The following RAB3GAP1 variants were observed in gnomAD, a reference collection of about 807,000 sequenced individuals.
RAB3GAP1 encodes the protein rab3 GTPase-activating protein catalytic subunit.
In RAB3GAP1, 86 loss-of-function variants were observed where a neutral mutation model predicts 130.7. The ratio of observed to expected loss-of-function variants is 0.66; its 90% CI spans 0.55 to 0.79. The LOEUF is 0.79. Ranked by LOEUF, RAB3GAP1 falls within the 30% of genes least tolerant of loss-of-function variation. The pLI is 0.00. For synonymous variants in RAB3GAP1, 367 were observed against 401.7 expected (o/e 0.91, Z 1.03); for missense variants, 1,029 against 1,169.4 (o/e 0.88, Z 1.75).
chr2:135,105,408 T>C (rs1439579827), intron 5 of RAB3GAP1, among the ~76,000 whole-genome samples: 2 of 152,018 alleles, frequency 1.3e-5, no homozygotes, highest in East Asian at 3.9e-4. Context: ...GTTTTCGTAT[T>C]TTTTTGGTGG....
At position 135,085,932 on chromosome 2, in the gene RAB3GAP1, C is replaced by G. The variant is rs562991297; in HGVS notation, c.151-5066C>G. Among the ~76,000 whole-genome samples, 11 of 152,242 alleles carry G rather than the reference C, an allele frequency of 7.2e-5. No individual in the cohort carries two copies. In the East Asian group the frequency reaches 2.1e-3, roughly 29 times the overall value. On this transcript the variant is annotated intron_variant, in intron 3 of 23. Coordinates refer to ENST00000264158, the MANE Select transcript of RAB3GAP1 (RefSeq NM_012233.3). Reference sequence around the variant, plus strand: ...AGAAAGATTGCTTGTTTCTCAATCCCAGAGGTAACCACAGTTTTGACTTCC... The same window carrying G: ...AGAAAGATTGCTTGTTTCTCAATCCGAGAGGTAACCACAGTTTTGACTTCC...
chr2:135,090,745 T>C (rs530495999), intron 3 of RAB3GAP1, among the ~76,000 whole-genome samples: 19 of 152,292 alleles, frequency 1.2e-4, no homozygotes, highest in African/African-American at 4.6e-4. Context: ...ATAGAGAATC[T>C]TGGAAAAAAT....
At chr2:135,117,458 TTCTGCTTCTGCTTCTGCTTCTTCTG>T (rs1691011466) in intron 7 of RAB3GAP1, among the ~76,000 whole-genome samples, 1 of 148,732 alleles carries the variant, frequency 6.7e-6, no homozygotes, top group African/African-American at 2.6e-5. Flanking sequence ...CTTCTTCTGC[TTCTGCTTCTGCTTCTGCTTCTTCTG>T]CTTCTTCTTC....
intron 5 of RAB3GAP1, among the ~76,000 whole-genome samples, chr2:135,108,515 CTT>C (rs199985816): frequency 1.8e-4 from 23 of 128,616 alleles, no homozygotes; most frequent in Non-Finnish European, 2.4e-4. Flanking sequence ...GTCTTTGGGG[CTT>C]TTTTTTTTTT....
intron 18 of RAB3GAP1, 121 bp downstream of exon 18, chr2:135,150,627 A>T (rs1019370295): frequency 2.5e-5 from 32 of 1,288,768 alleles, no homozygotes; most frequent in Non-Finnish European, 3.4e-5. Context: ...TTTGGATTTC[A>T]TTAGTAGTTC....
At position 135,126,639 on chromosome 2, in the gene RAB3GAP1, A is replaced by C. The variant is rs987772767; in HGVS notation, c.956A>C (p.Asn319Thr). Reference sequence around the variant, plus strand: ...TCTGTTAGAGTTCGAAAAGCTGAGAATCCTCAGTGTTTGCTAGGTAAGGTA... The same window carrying C: ...TCTGTTAGAGTTCGAAAAGCTGAGACTCCTCAGTGTTTGCTAGGTAAGGTA... ...HWSVRVRKAE[N>T]PQCLLGDFVT... The change falls in exon 11 of 24, where the codon AAT becomes ACT. Residue 319 changes from asparagine (N) to threonine (T), a missense_variant. Around this residue, in one of 3 missense-constraint regions of RAB3GAP1, gnomAD observed 510 missense variants for 532.1 expected, o/e 0.96. Coordinates refer to ENST00000264158, the MANE Select transcript of RAB3GAP1 (RefSeq NM_012233.3). The C allele has an allele frequency of 6.2e-7, 1 of 1,612,180 alleles. No individual in the cohort carries two copies. The highest frequency in any genetic ancestry group is 8.5e-7 in the Non-Finnish European group (1 of 1,178,452).
intron 3 of RAB3GAP1, among the ~76,000 whole-genome samples, chr2:135,068,049 A>G (rs2104837236): frequency 6.6e-6 from 1 of 152,300 alleles, no homozygotes; most frequent in African/African-American, 2.4e-5. Context: ...CTCTCTTACA[A>G]GTATTTACTA....
In RAB3GAP1 at chr2:135,138,872, TC is replaced by T. The variant is rs1676020510; in HGVS notation, c.1923+2943del. On this transcript the variant is annotated intron_variant, in intron 17 of 23. Coordinates refer to ENST00000264158, the MANE Select transcript of RAB3GAP1 (RefSeq NM_012233.3). ...CCTCAAGCAATCCTCTGTTTCGGCCTCCCAAAGTGCTGGGATTATAGGCATG... is the reference window on the plus strand; with the variant it reads ...CCTCAAGCAATCCTCTGTTTCGGCCTCCAAAGTGCTGGGATTATAGGCATG... Among the ~76,000 whole-genome samples the T allele has an allele frequency of 2.0e-5, 3 of 152,144 alleles. No homozygotes were observed. In the South Asian group the frequency reaches 6.2e-4, roughly 32 times the overall value.
chr2:135,089,245 T>A (rs1411143077), intron 3 of RAB3GAP1, among the ~76,000 whole-genome samples: 1 of 152,060 alleles, frequency 6.6e-6, no homozygotes, highest in East Asian at 1.9e-4. Flanking sequence ...GTTCCCTTGG[T>A]CTATATATCT....
rs1256646747 is a variant in RAB3GAP1, at chr2:135,135,176, G to C, written c.1500-89G>C. On this transcript the variant is annotated intron_variant, in intron 15 of 23. Coordinates refer to ENST00000264158, the MANE Select transcript of RAB3GAP1 (RefSeq NM_012233.3). ...CTAGTTTTGATTTCTTATCAATATA[G>C]CTAAAAATTATGGTAGTATAGAAAA... 74 of 1,044,012 alleles carry C rather than the reference G, an allele frequency of 7.1e-5. No homozygotes were observed. In the Middle Eastern group the frequency reaches 1.1e-3, roughly 16 times the overall value. The allele number at this position is 1,044,012 out of a possible 1,614,324, so 64.7% of individuals were successfully genotyped here. A position where few individuals can be genotyped will look rare whatever the true frequency, so the allele number is the denominator to read the frequency against.
At chr2:135,075,692 A>G (rs1177086190) in intron 3 of RAB3GAP1, among the ~76,000 whole-genome samples, 2 of 92,832 alleles carry the variant, frequency 2.2e-5, no homozygotes, top group Non-Finnish European at 4.3e-5. Context: ...GGGGGTCACT[A>G]TTTCCTTCAT....
At chr2:135,054,490 T>A (rs1574070071) in intron 2 of RAB3GAP1, among the ~76,000 whole-genome samples, 1 of 152,156 alleles carries the variant, frequency 6.6e-6, no homozygotes, top group East Asian at 1.9e-4. Flanking sequence ...CAGAGAAGAT[T>A]TAGGTAATAA....
At chr2:135,124,275 G>T (rs944098643) in intron 9 of RAB3GAP1, 29 bp downstream of exon 9, 1 of 1,583,174 alleles carries the variant, frequency 6.3e-7, no homozygotes, top group Non-Finnish European at 8.7e-7. Flanking sequence ...CATTTGAATT[G>T]TGGGAATATT....
chr2:135,141,284 G>T (rs1490728144), intron 17 of RAB3GAP1, among the ~76,000 whole-genome samples: 2 of 150,334 alleles, frequency 1.3e-5, no homozygotes, highest in African/African-American at 2.5e-5. Context: ...GAGTGCAGTG[G>T]TGTGGTCTCG....
intron 17 of RAB3GAP1, among the ~76,000 whole-genome samples, chr2:135,139,397 C>T (rs1238712438): frequency 6.6e-6 from 1 of 151,692 alleles, no homozygotes; most frequent in Non-Finnish European, 1.5e-5. Context: ...AGAAATTAGC[C>T]GAGCGTGGTG....
At chr2:135,130,166 C>A in intron 12 of RAB3GAP1, 79 bp downstream of exon 12, 1 of 1,171,254 alleles carries the variant, frequency 8.5e-7, no homozygotes, top group Non-Finnish European at 1.3e-6. Context: ...AACTTTTCAT[C>A]TGTTTTCTCA....
At chr2:135,096,543 G>C (rs1451061352) in intron 5 of RAB3GAP1, among the ~76,000 whole-genome samples, 1 of 151,716 alleles carries the variant, frequency 6.6e-6, no homozygotes, top group Non-Finnish European at 1.5e-5. Flanking sequence ...TTCCGTTCTG[G>C]CCTTTTAAAA....
At chr2:135,082,163 A>G (rs1169407976) in intron 3 of RAB3GAP1, among the ~76,000 whole-genome samples, 1 of 151,898 alleles carries the variant, frequency 6.6e-6, no homozygotes, top group Non-Finnish European at 1.5e-5. Flanking sequence ...GAATGAATGA[A>G]TAAATAAATA....
intron 3 of RAB3GAP1, among the ~76,000 whole-genome samples, chr2:135,064,156 T>G (rs1323584472): frequency 6.6e-6 from 1 of 152,220 alleles, no homozygotes; most frequent in Non-Finnish European, 1.5e-5. Flanking sequence ...GCCATCTGAC[T>G]ATGATGTGCA....
Sources: allele counts gnomAD v4.1 joint callset (sites outside exome capture counted in the v4.1 genomes callset), GRCh38; gene constraint gnomAD v4.1.1; regional missense constraint gnomAD v4.1.1; transcripts MANE v1.5; gene names NCBI Gene and HGNC (gene_info 2026-07-23, HGNC 2026-07-21).